Variants in SIPA1L2 observed in about 807,000 individuals in gnomAD.
SIPA1L2 encodes the protein signal induced proliferation associated 1 like 2.
Under a neutral mutation model 163.9 loss-of-function variants are expected in SIPA1L2, and 56 were observed. The observed-to-expected ratio is 0.34, with a 90% CI of 0.28 to 0.43. SIPA1L2 has a LOEUF of 0.43. SIPA1L2 is among the 20% of genes least tolerant of loss of function. The probability of loss-of-function intolerance (pLI) is 1.00; values close to 1 mark genes in which losing one functional copy is unlikely to be tolerated. For synonymous variants in SIPA1L2, 877 were observed against 865.7 expected (o/e 1.01, Z -0.23); for missense variants, 1,974 against 2,193.5 (o/e 0.90, Z 2.00).
At chr1:232,457,177 A>C (rs2102906883) in intron 10 of SIPA1L2, among the ~76,000 whole-genome samples, 1 of 146,890 alleles carries the variant, frequency 6.8e-6, no homozygotes, top group East Asian at 3.0e-4. Flanking sequence ...TTTTCCTACT[A>C]AAGACTGCAT....
At chr1:232,532,791 CA>C (rs138675169) in intron 2 of SIPA1L2, among the ~76,000 whole-genome samples, 2,215 of 152,130 alleles carry the variant, frequency 0.015, 57 homozygotes, top group African/African-American at 0.051. Flanking sequence ...TAAGCAAAAG[CA>C]AAACAAAACC....
At position 232,439,235 on chromosome 1, in the gene SIPA1L2, C is replaced by T. The variant is rs541734431; in HGVS notation, c.3904G>A (p.Asp1302Asn). ...SRAEQWADAADVSGPDDEPAK... is the reference protein window; with the variant it reads ...SRAEQWADAANVSGPDDEPAK... ...GGCTCGTCGTCAGGCCCAGAGACGT[C>T]GGCAGCATCAGCCCACTGCTCGGCC... Residue 1302 changes from aspartate (D) to asparagine (N), a missense_variant, in exon 15 of 23, where the codon GAC becomes AAC. Around this residue, in one of 3 missense-constraint regions of SIPA1L2, gnomAD observed 1,079 missense variants for 1,150.7 expected, o/e 0.94. Transcript: ENST00000674635. 68 of 1,613,948 alleles carry T rather than the reference C, an allele frequency of 4.2e-5. No individual in the cohort carries two copies. Among genetic ancestry groups the T allele is most frequent in the Middle Eastern group, 1.6e-4 (1 of 6,062 alleles).
At chr1:232,427,897 T>A (rs1256037163) in intron 17 of SIPA1L2, among the ~76,000 whole-genome samples, 1 of 152,184 alleles carries the variant, frequency 6.6e-6, no homozygotes, top group East Asian at 1.9e-4. Context: ...GGAACAGGAT[T>A]ACATTTAAGG....
At chr1:232,594,530 T>C (rs1364550484) in intron 1 of SIPA1L2, among the ~76,000 whole-genome samples, 4 of 152,074 alleles carry the variant, frequency 2.6e-5, no homozygotes, top group Non-Finnish European at 5.9e-5. Flanking sequence ...GGCCAGACAG[T>C]TTTTATTTCT....
intron 22 of SIPA1L2, 151 bp downstream of exon 22, chr1:232,402,241 A>G (rs1284843770): frequency 5.3e-6 from 3 of 562,396 alleles, no homozygotes; most frequent in Non-Finnish European, 9.2e-6. Context: ...CAGCAGATGG[A>G]GTGAGACCTC....
intron 1 of SIPA1L2, among the ~76,000 whole-genome samples, chr1:232,598,359 G>A (rs1020489920): frequency 1.3e-5 from 2 of 152,124 alleles, no homozygotes; most frequent in South Asian, 2.1e-4. Flanking sequence ...GCAAGTAAGC[G>A]GTGATGGCAT....
intron 2 of SIPA1L2, among the ~76,000 whole-genome samples, chr1:232,533,653 A>ATG (rs1383749064): frequency 6.6e-6 from 1 of 152,226 alleles, no homozygotes; most frequent in Non-Finnish European, 1.5e-5. Flanking sequence ...GCACATACAG[A>ATG]TGTCCAAGGA....
rs1659854770 is a variant in SIPA1L2, at chr1:232,572,762, TATATATATATA to T, written c.-270+1401_-270+1411del. On this transcript the variant is annotated intron_variant, in intron 2 of 22. Transcript: ENST00000674635. ...ACATATATATATATATATATATATATATATATATATATATATATTTATTTATTTATTTTTTC... is the reference window on the plus strand; with the variant it reads ...ACATATATATATATATATATATATATTATATATTTATTTATTTATTTTTTC... Among the ~76,000 whole-genome samples, 8 of 117,990 alleles carry T rather than the reference TATATATATATA, an allele frequency of 6.8e-5. No individual in the cohort carries two copies. The South Asian group carries it at 2.2e-3, about 32-fold the overall frequency. 77.4% of individuals were successfully genotyped at this position (117,990 alleles called of 152,430 possible). A position where few individuals can be genotyped will look rare whatever the true frequency, so the allele number is the denominator to read the frequency against.
intron 5 of SIPA1L2, among the ~76,000 whole-genome samples, chr1:232,488,931 C>T (rs181752820): frequency 2.0e-5 from 3 of 152,242 alleles, no homozygotes; most frequent in Admixed American, 2.0e-4. Context: ...TTCACTGATG[C>T]CTAAAATAGG....
At chr1:232,558,824 T>C (rs1658873262) in intron 2 of SIPA1L2, among the ~76,000 whole-genome samples, 2 of 152,184 alleles carry the variant, frequency 1.3e-5, no homozygotes, top group Admixed American at 1.3e-4. Flanking sequence ...AATAGTAGTT[T>C]TTACCAAACA....
In SIPA1L2 at chr1:232,415,512, C is replaced by G; in HGVS notation, c.4744G>C (p.Ala1582Pro). Residue 1582 changes from alanine (A) to proline (P), a missense_variant, in exon 19 of 23, where the codon GCT becomes CCT. Physicochemically the swap from Ala to Pro is conservative, Grantham distance 27. Around this residue, in one of 3 missense-constraint regions of SIPA1L2, gnomAD observed 1,079 missense variants for 1,150.7 expected, o/e 0.94. Coordinates refer to ENST00000674635, the MANE Select transcript of SIPA1L2 (RefSeq NM_020808.5). ...TGLDWTHLVD[A>P]ARAFEGLDSD... The stretch of plus-strand genomic sequence containing the variant: ...TCTTTACCTTCAAATGCCCGTGCAG[C>G]ATCCACGAGGTGGGTCCAATCTAAC... 6.2e-7 allele frequency: 1 copy of G among 1,611,796 alleles called. No homozygotes were observed. The highest frequency in any genetic ancestry group is 8.5e-7 in the Non-Finnish European group (1 of 1,179,122).
intron 7 of SIPA1L2, among the ~76,000 whole-genome samples, chr1:232,479,375 G>C (rs1013881421): frequency 2.6e-5 from 4 of 152,212 alleles, no homozygotes; most frequent in Non-Finnish European, 5.9e-5. Flanking sequence ...AGTTTCTCCT[G>C]AGAAAAGATT....
chr1:232,470,415 T>G (rs75151692), intron 8 of SIPA1L2, among the ~76,000 whole-genome samples: 1,738 of 152,294 alleles, frequency 0.011, 40 homozygotes, highest in African/African-American at 0.039. Context: ...GACTTTGTTC[T>G]AAGATGGCTT....
intron 2 of SIPA1L2, among the ~76,000 whole-genome samples, chr1:232,528,102 A>ATATATATATAGATATATATATATATC (rs34779799): frequency 8.4e-6 from 1 of 118,498 alleles, no homozygotes; most frequent in African/African-American, 3.5e-5. Context: ...ATATATATAT[A>ATATATATATAGATATATATATATATC]ATCAACTTTC....
At chr1:232,471,645 G>A (rs1664807933) in intron 7 of SIPA1L2, 117 bp from the exon 8 acceptor site, 1 of 958,900 alleles carries the variant, frequency 1.0e-6, no homozygotes, top group Admixed American at 3.5e-5. Flanking sequence ...GTCATTCTTT[G>A]GAAGTCAGTG....
chr1:232,505,755 C>T (rs778716497), intron 3 of SIPA1L2, among the ~76,000 whole-genome samples: 1 of 152,258 alleles, frequency 6.6e-6, no homozygotes, highest in East Asian at 1.9e-4. Flanking sequence ...TGGGACTTGA[C>T]GGGACCTCCG....
intron 1 of SIPA1L2, among the ~76,000 whole-genome samples, chr1:232,596,245 G>A (rs763932340): frequency 3.9e-5 from 6 of 152,136 alleles, no homozygotes; most frequent in Admixed American, 6.5e-5. Flanking sequence ...TTAGCTCACC[G>A]CTCACTCTCT....
intron 1 of SIPA1L2, among the ~76,000 whole-genome samples, chr1:232,629,400 TC>T (rs1370277530): frequency 6.6e-6 from 1 of 152,172 alleles, no homozygotes; most frequent in African/African-American, 2.4e-5. Flanking sequence ...GAGGGATCCG[TC>T]CCGGTGAGGG....
At chr1:232,612,955 A>G (rs1662324311) in intron 1 of SIPA1L2, among the ~76,000 whole-genome samples, 1 of 152,038 alleles carries the variant, frequency 6.6e-6, no homozygotes, top group South Asian at 2.1e-4. Flanking sequence ...GACCTGGTGG[A>G]AGATAGTTTG....
Sources: allele counts gnomAD v4.1 joint callset (sites outside exome capture counted in the v4.1 genomes callset), GRCh38; gene constraint gnomAD v4.1.1; regional missense constraint gnomAD v4.1.1; transcripts MANE v1.5; gene names NCBI Gene and HGNC (gene_info 2026-07-23, HGNC 2026-07-21).